FOCAD: variants seen among roughly 807,000 people sequenced by gnomAD.
FOCAD encodes focadhesin.
In FOCAD, 198 loss-of-function variants were observed where a neutral mutation model predicts 225.6. The ratio of observed to expected loss-of-function variants is 0.88; its 90% CI spans 0.78 to 0.99. FOCAD has a LOEUF of 0.99. Among genes scored for constraint, FOCAD ranks in the 50% least tolerant of loss-of-function variants. The pLI, the probability that FOCAD is intolerant of heterozygous loss-of-function variation, is 0.00. For synonymous variants in FOCAD, 897 were observed against 755.0 expected (o/e 1.19, Z -3.08); for missense variants, 2,713 against 2,123.6 (o/e 1.28, Z -5.46).
intron 35 of FOCAD, among the ~76,000 whole-genome samples, chr9:20,956,985 T>G (rs751007213): frequency 2.0e-5 from 3 of 152,162 alleles, no homozygotes; most frequent in Non-Finnish European, 4.4e-5. Flanking sequence ...TGAGCCACCG[T>G]GCCTGGCCTG....
chr9:20,774,039 A>G (rs1004096070), intron 8 of FOCAD, among the ~76,000 whole-genome samples: 4 of 152,156 alleles, frequency 2.6e-5, no homozygotes, highest in Admixed American at 6.5e-5. Flanking sequence ...CATGAACCCT[A>G]TTGTGAACTG....
At chr9:20,734,501 T>C (rs1339435950) in intron 4 of FOCAD, among the ~76,000 whole-genome samples, 6 of 152,248 alleles carry the variant, frequency 3.9e-5, no homozygotes, top group Admixed American at 2.0e-4. Flanking sequence ...TTTTTCCATG[T>C]CACATGCATA....
Position 20,916,903 on chromosome 9 carries a change from A to T in FOCAD, c.2818A>T (p.Met940Leu), listed in dbSNP as rs142545136. Residue 940 changes from methionine (M) to leucine (L), a missense_variant, in exon 24 of 44, where the codon ATG becomes TTG. Physicochemically the swap from Met to Leu is conservative, Grantham distance 15. Transcript: ENST00000338382. The stretch of plus-strand genomic sequence containing the variant: ...CCATCTTTATTGCAGGGTTAGAGAC[A>T]TGCTGACTGATGAGATCACCAAGGC... The part of the protein sequence containing the change: ...KSTAWLWVRD[M>L]LTDEITKAAA... 1.3e-3 allele frequency: 2,013 copies of T among 1,606,390 alleles called. 1 individual carries two copies. Among genetic ancestry groups the T allele is most frequent in the Non-Finnish European group, 1.5e-3 (1,780 of 1,177,452 alleles).
chr9:20,767,045 A>G (rs1047133945), intron 7 of FOCAD, among the ~76,000 whole-genome samples: 43 of 151,696 alleles, frequency 2.8e-4, no homozygotes, highest in Admixed American at 9.8e-4. Flanking sequence ...TCATTGTTCA[A>G]TTCCCACCTA....
intron 11 of FOCAD, among the ~76,000 whole-genome samples, chr9:20,818,681 A>G (rs778725360): frequency 4.6e-5 from 7 of 151,796 alleles, no homozygotes; most frequent in Non-Finnish European, 1.0e-4. Flanking sequence ...TTGATTATAA[A>G]TATAAGTACT....
At chr9:20,662,202 ATATG>A (rs1821748771) in intron 2 of FOCAD, among the ~76,000 whole-genome samples, 1 of 147,764 alleles carries the variant, frequency 6.8e-6, no homozygotes, top group Admixed American at 6.7e-5. Context: ...GTGTGTGCAT[ATATG>A]TGTGTGTGTG....
intron 24 of FOCAD, among the ~76,000 whole-genome samples, chr9:20,918,051 G>C (rs1834018245): frequency 6.6e-6 from 1 of 152,210 alleles, no homozygotes; most frequent in Non-Finnish European, 1.5e-5. Flanking sequence ...TTCCCACTTT[G>C]GTGAATTGCA....
intron 26 of FOCAD, among the ~76,000 whole-genome samples, 199 bp downstream of exon 26, chr9:20,926,616 T>G (rs1482517447): frequency 6.6e-6 from 1 of 151,930 alleles, no homozygotes; most frequent in African/African-American, 2.4e-5. Flanking sequence ...AAACCGCATC[T>G]CTACTAAAAA....
At chr9:20,747,103 A>C (rs1340662196) in intron 5 of FOCAD, among the ~76,000 whole-genome samples, 1 of 152,140 alleles carries the variant, frequency 6.6e-6, no homozygotes, top group Non-Finnish European at 1.5e-5. Flanking sequence ...AGACCATGCA[A>C]ATATTCTGCT....
At chr9:20,877,905 C>G (rs577854422) in intron 19 of FOCAD, among the ~76,000 whole-genome samples, 5 of 151,680 alleles carry the variant, frequency 3.3e-5, no homozygotes, top group Non-Finnish European at 5.9e-5. Flanking sequence ...GACTCCATCT[C>G]AAAAAAACAA....
chr9:20,872,615 TTTCTC>T (rs959452670), intron 18 of FOCAD, among the ~76,000 whole-genome samples: 5 of 151,722 alleles, frequency 3.3e-5, no homozygotes, highest in Non-Finnish European at 4.4e-5. Flanking sequence ...CTTCCTTTCT[TTTCTC>T]TTTTCTTTTC....
chr9:20,762,308 G>T (rs1340025370), intron 6 of FOCAD, among the ~76,000 whole-genome samples: 4 of 152,132 alleles, frequency 2.6e-5, no homozygotes, highest in Non-Finnish European at 5.9e-5. Context: ...AAAGTAGAAG[G>T]TGTGATAAAG....
intron 5 of FOCAD, among the ~76,000 whole-genome samples, chr9:20,757,344 C>A (rs887433500): frequency 4.6e-5 from 7 of 152,068 alleles, no homozygotes; most frequent in Non-Finnish European, 8.8e-5. Flanking sequence ...AGTAGAGTAG[C>A]CTTTTTGAAC....
At chr9:20,805,668 A>G (rs2131316793) in intron 11 of FOCAD, among the ~76,000 whole-genome samples, 1 of 152,294 alleles carries the variant, frequency 6.6e-6, no homozygotes, top group Non-Finnish European at 1.5e-5. Flanking sequence ...GAATAAGCAT[A>G]TAAATTCTGT....
Position 20,933,022 on chromosome 9 carries a change from C to A in FOCAD, c.3326C>A (p.Ser1109Tyr). The change falls in exon 28 of 44, where the codon TCT (serine) becomes TAT (tyrosine). Residue 1109 changes from serine to tyrosine, a missense_variant. Transcript: ENST00000338382. Reference sequence around the variant, plus strand: ...CCTTGATCTTTAACCAGTGATATATCTGGCCAAGAGATGAACCTTCTTCTG... The same window carrying A: ...CCTTGATCTTTAACCAGTGATATATATGGCCAAGAGATGAACCTTCTTCTG... ...RLCEEKLSDI[S>Y]GQEMNLLLMK... 1 of 1,612,978 alleles carries A rather than the reference C, an allele frequency of 6.2e-7. No individual in the cohort carries two copies. Among genetic ancestry groups the A allele is most frequent in the South Asian group, 1.1e-5 (1 of 91,054 alleles).
intron 10 of FOCAD, among the ~76,000 whole-genome samples, chr9:20,786,029 C>T (rs1243160788): frequency 1.3e-5 from 2 of 152,134 alleles, no homozygotes; most frequent in Non-Finnish European, 2.9e-5. Context: ...ATTTTACAAG[C>T]CGGGAAACTG....
At position 20,923,659 on chromosome 9, in the gene FOCAD, G is replaced by T; in HGVS notation, c.2853-1G>T. 1 of 1,613,282 alleles carries T rather than the reference G, an allele frequency of 6.2e-7. No individual in the cohort carries two copies. The highest frequency in any genetic ancestry group is 8.5e-7 in the Non-Finnish European group (1 of 1,179,432). On this transcript the variant is annotated splice_acceptor_variant, in intron 24 of 43. Coordinates refer to ENST00000338382, the MANE Select transcript of FOCAD (RefSeq NM_001375567.1). LOFTEE classifies it high-confidence loss of function. Reference sequence around the variant, plus strand: ...GTTGAAATTTTTTTCCTTTTGAACAGGGAGAGTCCGGTAGTGAAAGGCAAT... The same window carrying T: ...GTTGAAATTTTTTTCCTTTTGAACATGGAGAGTCCGGTAGTGAAAGGCAAT...
intron 5 of FOCAD, among the ~76,000 whole-genome samples, chr9:20,748,702 TTCTCTC>T (rs1828281743): frequency 6.6e-6 from 1 of 152,138 alleles, no homozygotes; most frequent in Non-Finnish European, 1.5e-5. Flanking sequence ...GTTCCATTCT[TTCTCTC>T]TAGCTACATG....
intron 21 of FOCAD, among the ~76,000 whole-genome samples, chr9:20,890,981 A>G (rs368121741): frequency 4.6e-5 from 7 of 152,108 alleles, no homozygotes; most frequent in East Asian, 1.9e-4. Context: ...TTGAGCAATT[A>G]TCTAGGCACC....
Sources: allele counts gnomAD v4.1 joint callset (sites outside exome capture counted in the v4.1 genomes callset), GRCh38; gene constraint gnomAD v4.1.1; transcripts MANE v1.5; gene names NCBI Gene and HGNC (gene_info 2026-07-23, HGNC 2026-07-21).